ITGB3: variants seen among roughly 807,000 people sequenced by gnomAD.
ITGB3 encodes integrin beta-3.
A neutral mutation model predicts 85.8 loss-of-function variants in ITGB3; 48 were observed. The ratio of observed to expected loss-of-function variants is 0.56; its 90% CI spans 0.44 to 0.71. The LOEUF is 0.71. ITGB3 is among the 30% of genes least tolerant of loss of function. ITGB3 has a pLI of 0.00. For missense variants in ITGB3, 861 were observed against 1,019.1 expected (o/e 0.84, Z 2.11); for synonymous variants, 363 against 395.6 (o/e 0.92, Z 0.98).
chr17:47,292,202 A>G lies in ITGB3; in HGVS notation c.1324A>G (p.Ile442Val). ...CPQEKEKSFT[I>V]KPVGFKDSLI... ...CCAGGAGAAGGAGAAGTCCTTTACC[A>G]TAAAGCCCGTGGGCTTCAAGGACAG... The change falls in exon 10 of 15, where the codon ATA (isoleucine) becomes GTA (valine). Residue 442 changes from isoleucine (I) to valine (V), a missense_variant. Transcript: ENST00000559488. 7 of 1,614,240 alleles carry G rather than the reference A, an allele frequency of 4.3e-6. No individual in the cohort carries two copies. The highest frequency in any genetic ancestry group is 5.9e-6 in the Non-Finnish European group (7 of 1,180,032).
intron 10 of ITGB3, among the ~76,000 whole-genome samples, chr17:47,296,943 G>A (rs750966848): frequency 8.5e-5 from 13 of 152,114 alleles, no homozygotes; most frequent in Non-Finnish European, 1.8e-4. Flanking sequence ...TCCACCCTTC[G>A]CTTAAATAGT....
intron 1 of ITGB3, among the ~76,000 whole-genome samples, chr17:47,255,236 C>G (rs963084383): frequency 6.6e-6 from 1 of 152,138 alleles, no homozygotes; most frequent in Non-Finnish European, 1.5e-5. Flanking sequence ...ACCTCAGCCT[C>G]CCAAAGTGCT....
At chr17:47,295,679 G>A (rs1401912383) in intron 10 of ITGB3, among the ~76,000 whole-genome samples, 1 of 151,942 alleles carries the variant, frequency 6.6e-6, no homozygotes, top group East Asian at 1.9e-4. Flanking sequence ...TTTCTGAGGA[G>A]GCGGAGGCCT....
chr17:47,300,098 C>G (rs761200590), intron 11 of ITGB3, among the ~76,000 whole-genome samples: 3 of 152,218 alleles, frequency 2.0e-5, no homozygotes, highest in Non-Finnish European at 4.4e-5. Flanking sequence ...AATCTTTGAA[C>G]AAGGGAGCTG....
At position 47,253,922 on chromosome 17, in the gene ITGB3, G is replaced by T; in HGVS notation, c.61G>T (p.Ala21Ser). 1.4e-6 allele frequency: 2 copies of T among 1,414,794 alleles called. No individual in the cohort carries two copies. The allele number at this position is 1,414,794 out of a possible 1,614,324, so 87.6% of individuals were successfully genotyped here. A position where few individuals can be genotyped will look rare whatever the true frequency, so the allele number is the denominator to read the frequency against. The change falls in exon 1 of 15, where the codon GCG (alanine) becomes TCG (serine). Residue 21 changes from alanine to serine, a missense_variant. Physicochemically the swap from Ala to Ser is moderately conservative, Grantham distance 99 (BLOSUM62 1). Coordinates refer to ENST00000559488, the MANE Select transcript of ITGB3 (RefSeq NM_000212.3). Reference sequence around the variant, plus strand: ...GACTGTGCTGGCGCTGGGGGCGCTGGCGGGCGTTGGCGTAGGAGGTGAGTG... The same window carrying T: ...GACTGTGCTGGCGCTGGGGGCGCTGTCGGGCGTTGGCGTAGGAGGTGAGTG... ...WATVLALGAL[A>S]GVGVGGPNIC...
chr17:47,309,728 T>C (rs2065205435), intron 14 of ITGB3, among the ~76,000 whole-genome samples: 1 of 151,528 alleles, frequency 6.6e-6, no homozygotes, highest in Non-Finnish European at 1.5e-5. Context: ...ACCCCATCTC[T>C]ACAAAAAAAT....
intron 6 of ITGB3, 93 bp downstream of exon 6, chr17:47,287,324 C>T (rs2065106534): frequency 6.8e-7 from 1 of 1,465,078 alleles, no homozygotes; most frequent in African/African-American, 1.4e-5. Context: ...AAATGGCAGC[C>T]CCTCCTTCTG....
chr17:47,264,559 C>T (rs2065019307), intron 1 of ITGB3, among the ~76,000 whole-genome samples: 1 of 152,198 alleles, frequency 6.6e-6, no homozygotes, highest in South Asian at 2.1e-4. Context: ...TCAGATTCCT[C>T]CAGTGGCTTC....
chr17:47,300,344 C>CGTGTGTGTGTGTGTGTGTGT, intron 11 of ITGB3, 134 bp from the exon 12 acceptor site: 1 of 689,288 alleles, frequency 1.5e-6, no homozygotes, highest in East Asian at 2.9e-5. Context: ...GGCGCGCGCG[C>CGTGTGTGTGTGTGTGTGTGT]GCGTGTGTGT....
At chr17:47,274,257 C>G (rs1406501535) in intron 1 of ITGB3, among the ~76,000 whole-genome samples, 162 bp from the exon 2 acceptor site, 2 of 152,192 alleles carry the variant, frequency 1.3e-5, no homozygotes, top group African/African-American at 4.8e-5. Flanking sequence ...TTCTTCCTAA[C>G]CAATAACCTG....
intron 1 of ITGB3, among the ~76,000 whole-genome samples, chr17:47,255,102 C>T (rs1364066723): frequency 6.6e-6 from 1 of 151,984 alleles, no homozygotes; most frequent in Non-Finnish European, 1.5e-5. Flanking sequence ...GCTCAGCCTC[C>T]CGAGTAGCTG....
chr17:47,270,893 G>T (rs1455866337), intron 1 of ITGB3, among the ~76,000 whole-genome samples: 2 of 152,184 alleles, frequency 1.3e-5, no homozygotes, highest in Non-Finnish European at 2.9e-5. Flanking sequence ...CTGAGGAATT[G>T]TTGTAGCCCA....
intron 13 of ITGB3, among the ~76,000 whole-genome samples, chr17:47,306,825 G>T (rs1265123515): frequency 6.6e-6 from 1 of 151,800 alleles, no homozygotes; most frequent in Non-Finnish European, 1.5e-5. Flanking sequence ...GATTACAGGT[G>T]CTCGCCACCA....
At chr17:47,265,101 T>C (rs781031962) in intron 1 of ITGB3, among the ~76,000 whole-genome samples, 6 of 152,192 alleles carry the variant, frequency 3.9e-5, no homozygotes, top group Non-Finnish European at 7.3e-5. Context: ...GCTGACACCA[T>C]TGATATATAT....
intron 1 of ITGB3, among the ~76,000 whole-genome samples, chr17:47,255,579 G>A (rs1012390247): frequency 6.6e-6 from 1 of 151,888 alleles, no homozygotes; most frequent in Non-Finnish European, 1.5e-5. Context: ...GCACCACCAC[G>A]CCCTACTAAT....
chr17:47,260,515 C>T (rs1212318118), intron 1 of ITGB3, among the ~76,000 whole-genome samples: 2 of 152,126 alleles, frequency 1.3e-5, no homozygotes, highest in Admixed American at 6.5e-5. Context: ...TTAAAAAGTC[C>T]CTGTAGTCAA....
intron 1 of ITGB3, chr17:47,259,231 C>T (rs1474737549): frequency 6.6e-6 from 1 of 151,984 alleles, no homozygotes; most frequent in East Asian, 1.9e-4. Flanking sequence ...TGTCATGATG[C>T]TTGGAGTCAG....
intron 1 of ITGB3, among the ~76,000 whole-genome samples, chr17:47,257,377 T>C (rs2064994179): frequency 6.6e-6 from 1 of 152,194 alleles, no homozygotes; most frequent in Admixed American, 6.5e-5. Flanking sequence ...GGCTTATACA[T>C]TTGCTTTACC....
rs2065217285 is a variant in ITGB3 at position 47,312,080 on chromosome 17, A to T, written c.*1876A>T. 6.6e-6 allele frequency among the ~76,000 whole-genome samples: 1 copy of T among 152,220 alleles called. No individual in the cohort carries two copies. Among genetic ancestry groups the T allele is most frequent in the South Asian group, 2.1e-4 (1 of 4,830 alleles). The stretch of plus-strand genomic sequence containing the variant: ...AGAGACCTGGCTTTGGCAAGAGCAG[A>T]TGTCATTCCATATCACCTTTCTCAA... On this transcript the variant is annotated 3_prime_UTR_variant, in exon 15 of 15. Transcript: ENST00000559488.
Sources: allele counts gnomAD v4.1 joint callset (sites outside exome capture counted in the v4.1 genomes callset), GRCh38; gene constraint gnomAD v4.1.1; transcripts MANE v1.5; gene names NCBI Gene and HGNC (gene_info 2026-07-23, HGNC 2026-07-21).